The following PLEKHH2 variants were observed in gnomAD, a reference collection of about 807,000 sequenced individuals.
PLEKHH2 encodes the protein pleckstrin homology domain-containing family H member 2.
A neutral mutation model predicts 187.9 loss-of-function variants in PLEKHH2; 129 were observed. The observed-to-expected ratio is 0.69, with a 90% CI of 0.59 to 0.79. PLEKHH2 has a LOEUF of 0.79. Among genes scored for constraint, PLEKHH2 ranks in the 30% least tolerant of loss-of-function variants. PLEKHH2 has a pLI of 0.00. For missense variants in PLEKHH2, 2,076 were observed against 1,751.2 expected, an observed-to-expected ratio of 1.19 and a Z score of -3.31; for synonymous variants, 686 against 605.6, an observed-to-expected ratio of 1.13 and a Z score of -1.95.
intron 2 of PLEKHH2, chr2:43,676,220 C>A (rs1667775943): frequency 1.2e-6 from 2 of 1,613,858 alleles, no homozygotes. Flanking sequence ...TGAGTTTGAC[C>A]TCTGTGTCGA....
intron 2 of PLEKHH2, among the ~76,000 whole-genome samples, chr2:43,655,800 A>G (rs1666727444): frequency 6.6e-6 from 1 of 152,158 alleles, no homozygotes; most frequent in Non-Finnish European, 1.5e-5. Context: ...CAGCTCCTTG[A>G]GCTTTGCAAC....
At chr2:43,739,835 C>T (rs1671480239) in intron 20 of PLEKHH2, among the ~76,000 whole-genome samples, 1 of 152,254 alleles carries the variant, frequency 6.6e-6, no homozygotes, top group Non-Finnish European at 1.5e-5. Flanking sequence ...CCCTCCTCTT[C>T]CTTCCCTTCC....
At chr2:43,638,011 T>C (rs886610763) in intron 1 of PLEKHH2, among the ~76,000 whole-genome samples, 5 of 152,288 alleles carry the variant, frequency 3.3e-5, no homozygotes, top group East Asian at 1.9e-4. Flanking sequence ...CCACTTACAT[T>C]GGAAAAGCTC....
At chr2:43,723,183 GT>G (rs1332424675) in intron 16 of PLEKHH2, among the ~76,000 whole-genome samples, 2 of 152,094 alleles carry the variant, frequency 1.3e-5, no homozygotes, top group African/African-American at 4.8e-5. Context: ...AATAGAATTT[GT>G]TTTCTTCATC....
At chr2:43,712,498 GA>G in intron 15 of PLEKHH2, 115 bp downstream of exon 15, 2 of 1,237,364 alleles carry the variant, frequency 1.6e-6, no homozygotes, top group Non-Finnish European at 2.2e-6. Flanking sequence ...TGATCTTGGG[GA>G]TAGGAAAGGG....
At chr2:43,673,003 T>C (rs1377254260) in intron 2 of PLEKHH2, among the ~76,000 whole-genome samples, 1 of 152,220 alleles carries the variant, frequency 6.6e-6, no homozygotes, top group Non-Finnish European at 1.5e-5. Context: ...ATAATATCAT[T>C]CTATATATAA....
At chr2:43,679,736 C>A (rs191222344) in intron 3 of PLEKHH2, 19 of 158,692 alleles carry the variant, frequency 1.2e-4, no homozygotes, top group Admixed American at 8.3e-4. Flanking sequence ...GTGATCCATC[C>A]ACCTTGGCCT....
chr2:43,651,204 G>A (rs985376696), intron 2 of PLEKHH2, among the ~76,000 whole-genome samples: 1 of 151,700 alleles, frequency 6.6e-6, no homozygotes, highest in Non-Finnish European at 1.5e-5. Context: ...TTGAGTTTCT[G>A]TTATGTGTAT....
intron 3 of PLEKHH2, among the ~76,000 whole-genome samples, chr2:43,688,075 A>G (rs1048779397): frequency 6.6e-6 from 1 of 152,300 alleles, no homozygotes; most frequent in Middle Eastern, 3.4e-3. Flanking sequence ...TGTTGGGACT[A>G]CAGGCATGAG....
In PLEKHH2 at chr2:43,760,305, G is replaced by A. The variant is rs1010635749; in HGVS notation, c.4071+1276G>A. ...GCGACACCTCCTTTGTTGCTTCATG[G>A]CATCCTGTTTTCTGTGTGTGGTAAA... On this transcript the variant is annotated intron_variant, in intron 27 of 29. Coordinates refer to ENST00000282406, the MANE Select transcript of PLEKHH2 (RefSeq NM_172069.4). Among the ~76,000 whole-genome samples, 6 of 150,894 alleles carry A rather than the reference G, an allele frequency of 4.0e-5. No homozygotes were observed. In the East Asian group the frequency reaches 1.2e-3, roughly 29 times the overall value.
intron 2 of PLEKHH2, among the ~76,000 whole-genome samples, chr2:43,657,938 C>T (rs980270347): frequency 5.3e-5 from 8 of 152,184 alleles, no homozygotes; most frequent in Non-Finnish European, 8.8e-5. Context: ...ATTGTGCCTA[C>T]ACTTTAAATT....
In PLEKHH2 at chr2:43,734,820, C is replaced by T. The variant is rs191853067; in HGVS notation, c.2943+3218C>T. 7.9e-5 allele frequency among the ~76,000 whole-genome samples: 12 copies of T among 152,176 alleles called. No individual in the cohort carries two copies. In the East Asian group the frequency reaches 2.3e-3, roughly 29 times the overall value. ...TTCCTATATTTATTATAGCACTGTT[C>T]ACAAGAACCGATATATGGAATCAAC... On this transcript the variant is annotated intron_variant, in intron 19 of 29. Coordinates refer to ENST00000282406, the MANE Select transcript of PLEKHH2 (RefSeq NM_172069.4).
At chr2:43,765,045 AG>A (rs11337981) in intron 29 of PLEKHH2, among the ~76,000 whole-genome samples, 1,877 of 152,340 alleles carry the variant, frequency 0.012, 47 homozygotes, top group African/African-American at 0.042. Context: ...AGTGCAGATC[AG>A]GGAGCTCAGT....
chr2:43,654,904 G>A (rs1363639824), intron 2 of PLEKHH2, among the ~76,000 whole-genome samples: 1 of 152,176 alleles, frequency 6.6e-6, no homozygotes, highest in East Asian at 1.9e-4. Flanking sequence ...GCACACGCCA[G>A]TAGTCCCAGC....
chr2:43,754,325 C>T (rs1672128479), intron 25 of PLEKHH2, among the ~76,000 whole-genome samples: 1 of 152,150 alleles, frequency 6.6e-6, no homozygotes, highest in South Asian at 2.1e-4. Flanking sequence ...CTCTCTTCTG[C>T]CATCCCTAGG....
At chr2:43,667,119 T>C (rs905189672) in intron 2 of PLEKHH2, among the ~76,000 whole-genome samples, 4 of 152,140 alleles carry the variant, frequency 2.6e-5, no homozygotes, top group Non-Finnish European at 5.9e-5. Flanking sequence ...TTTTCTAGTG[T>C]GGAAAAGGAA....
chr2:43,714,411 C>T (rs1023388521), intron 15 of PLEKHH2, among the ~76,000 whole-genome samples: 2 of 152,062 alleles, frequency 1.3e-5, no homozygotes, highest in African/African-American at 4.8e-5. Context: ...GCTTGTCCAC[C>T]CCCATATTTT....
chr2:43,687,784 T>G (rs1668590897), intron 3 of PLEKHH2, among the ~76,000 whole-genome samples: 1 of 152,174 alleles, frequency 6.6e-6, no homozygotes, highest in Admixed American at 6.6e-5. Flanking sequence ...CCTGTATATC[T>G]TCTTTTGTTT....
At chr2:43,721,310 C>G (rs1232970194) in intron 16 of PLEKHH2, among the ~76,000 whole-genome samples, 1 of 152,158 alleles carries the variant, frequency 6.6e-6, no homozygotes, top group Non-Finnish European at 1.5e-5. Context: ...TATGGGTATT[C>G]TGTGTCACCT....
Sources: allele counts gnomAD v4.1 joint callset (sites outside exome capture counted in the v4.1 genomes callset), GRCh38; gene constraint gnomAD v4.1.1; transcripts MANE v1.5; gene names NCBI Gene and HGNC (gene_info 2026-07-23, HGNC 2026-07-21).